The following ANKIB1 variants were observed in gnomAD, a reference collection of about 807,000 sequenced individuals.
The protein encoded by ANKIB1 is ankyrin repeat and IBR domain containing 1, also known as ankyrin repeat and IBR domain-containing protein 1.
In ANKIB1, 43 loss-of-function variants were observed where a neutral mutation model predicts 122.1. The ratio of observed to expected loss-of-function variants is 0.35; its 90% CI spans 0.28 to 0.45. ANKIB1 has a LOEUF of 0.45. ANKIB1 is among the 20% of genes least tolerant of loss of function. ANKIB1 has a pLI of 1.00. For synonymous variants in ANKIB1, 390 were observed against 442.0 expected, an observed-to-expected ratio of 0.88 and a Z score of 1.48; for missense variants, 992 against 1,329.5, an observed-to-expected ratio of 0.75 and a Z score of 3.95.
intron 11 of ANKIB1, among the ~76,000 whole-genome samples, chr7:92,377,165 A>G (rs1342378725): frequency 6.6e-6 from 1 of 152,176 alleles, no homozygotes; most frequent in African/African-American, 2.4e-5. Flanking sequence ...GGAGAGATGT[A>G]AGGCTCTTCC....
At chr7:92,249,130 C>T (rs895841260) in intron 1 of ANKIB1, among the ~76,000 whole-genome samples, 2 of 152,136 alleles carry the variant, frequency 1.3e-5, no homozygotes, top group Admixed American at 6.5e-5. Context: ...TCAGGTGATC[C>T]GCCTGCCTTG....
Position 92,319,431 on chromosome 7 carries a change from T to C in ANKIB1, c.588T>C (p.Asn196=), listed in dbSNP as rs756499842. Reference sequence around the variant, plus strand: ...AACACCACAAAGATTTGGCCCTCAATCTGGAATCTCAAATGGTATTCTCAC... The same window carrying C: ...AACACCACAAAGATTTGGCCCTCAACCTGGAATCTCAAATGGTATTCTCAC... ...EKQHHKDLAL[N]LESQMVFSRD... Residue 196 remains asparagine, a synonymous_variant, in exon 4 of 20, where the codon AAT becomes AAC. Transcript: ENST00000265742. 1 of 1,613,562 alleles carries C rather than the reference T, an allele frequency of 6.2e-7. No individual in the cohort carries two copies. Among genetic ancestry groups the C allele is most frequent in the East Asian group, 2.2e-5 (1 of 44,838 alleles).
intron 18 of ANKIB1, among the ~76,000 whole-genome samples, chr7:92,396,830 T>A (rs951146800): frequency 6.6e-6 from 1 of 152,206 alleles, no homozygotes; most frequent in Admixed American, 6.5e-5. Flanking sequence ...CTTAAGCACC[T>A]AGTGAAGCAC....
At chr7:92,375,416 A>G (rs1031956428) in intron 11 of ANKIB1, among the ~76,000 whole-genome samples, 6 of 152,196 alleles carry the variant, frequency 3.9e-5, no homozygotes, top group South Asian at 2.1e-4. Flanking sequence ...TTTATGTAAT[A>G]TTCTAGTCTT....
At chr7:92,291,871 G>A (rs575939824) in intron 1 of ANKIB1, among the ~76,000 whole-genome samples, 27 of 152,048 alleles carry the variant, frequency 1.8e-4, no homozygotes, top group African/African-American at 4.3e-4. Flanking sequence ...TACCACACCC[G>A]GCCCAGGGTA....
intron 4 of ANKIB1, among the ~76,000 whole-genome samples, chr7:92,320,500 G>C (rs867957509): frequency 2.6e-5 from 4 of 152,092 alleles, no homozygotes; most frequent in Non-Finnish European, 4.4e-5. Flanking sequence ...TTTCCTTTAT[G>C]TCTTCCCGGT....
intron 3 of ANKIB1, 27 bp from the exon 4 acceptor site, chr7:92,319,303 C>T (rs922447252): frequency 6.8e-6 from 10 of 1,478,612 alleles, no homozygotes; most frequent in Non-Finnish European, 9.1e-6. Flanking sequence ...CCTGTAGTTG[C>T]AAGTTTTTGA....
chr7:92,315,311 A>C (rs1450888422), intron 3 of ANKIB1, among the ~76,000 whole-genome samples: 3 of 152,188 alleles, frequency 2.0e-5, no homozygotes, highest in Non-Finnish European at 4.4e-5. Flanking sequence ...TAGCTTATCC[A>C]CATGAAATGG....
rs1381111823 is a variant in ANKIB1, at chr7:92,386,599, G to A, written c.1708G>A (p.Val570Ile). 2 of 1,605,576 alleles carry A rather than the reference G, an allele frequency of 1.2e-6. No individual in the cohort carries two copies. Among genetic ancestry groups the A allele is most frequent in the South Asian group, 2.2e-5 (2 of 89,106 alleles). The change falls in exon 12 of 20, where the codon GTC becomes ATC. Residue 570 changes from valine to isoleucine, a missense_variant. Transcript: ENST00000265742. ...GGYYRCTRYE[V>I]IQHVEEQSKE... is the part of the protein sequence containing the mutation. ...TTATTACAGATGTACTCGCTATGAA[G>A]TCATTCAACACGTGGAGGAGCAATC...
intron 4 of ANKIB1, among the ~76,000 whole-genome samples, chr7:92,321,275 A>G (rs1802905448): frequency 6.6e-6 from 1 of 152,132 alleles, no homozygotes; most frequent in African/African-American, 2.4e-5. Context: ...GACATTTGAA[A>G]TGTACTCTTA....
intron 11 of ANKIB1, among the ~76,000 whole-genome samples, chr7:92,385,030 A>G (rs1342316993): frequency 6.6e-6 from 1 of 152,206 alleles, no homozygotes. Context: ...AACTTAAACC[A>G]ATTTACAAGA....
At chr7:92,370,072 A>G (rs569147203) in intron 10 of ANKIB1, among the ~76,000 whole-genome samples, 1 of 152,334 alleles carries the variant, frequency 6.6e-6, no homozygotes, top group South Asian at 2.1e-4. Flanking sequence ...CCATATCATA[A>G]TAGGCTTTAT....
chr7:92,324,795 C>T (rs942725684), intron 4 of ANKIB1, among the ~76,000 whole-genome samples: 2 of 152,172 alleles, frequency 1.3e-5, no homozygotes, highest in Non-Finnish European at 2.9e-5. Context: ...TCTTTTCCTT[C>T]AAATAATTAA....
chr7:92,391,127 T>A, intron 15 of ANKIB1, 39 bp from the exon 16 acceptor site: 1 of 1,549,706 alleles, frequency 6.5e-7, no homozygotes, highest in Non-Finnish European at 8.8e-7. Context: ...GATTAACCTA[T>A]GAAGCCTGTG....
In ANKIB1 at chr7:92,291,567, C is replaced by CTTT. The variant is rs1188174295; in HGVS notation, c.-90-3303_-90-3301dup. ...ATCAACAGGCTACATTTTTCTTTTT[C>CTTT]TTTTTTTTTTTTTTTTTTTTTGAGA... On this transcript the variant is annotated intron_variant, in intron 1 of 19. Coordinates refer to ENST00000265742, the MANE Select transcript of ANKIB1 (RefSeq NM_019004.2). Among the ~76,000 whole-genome samples the CTTT allele has an allele frequency of 6.3e-3, 728 of 116,468 alleles. 9 individuals carry two copies. Among genetic ancestry groups the CTTT allele is most frequent in the Non-Finnish European group, 8.8e-3 (486 of 55,184 alleles). 76.4% of individuals were successfully genotyped at this position (116,468 alleles called of 152,430 possible).
chr7:92,344,881 G>A (rs1803508580), intron 6 of ANKIB1, 97 bp from the exon 7 acceptor site: 1 of 954,570 alleles, frequency 1.0e-6, no homozygotes, highest in Non-Finnish European at 1.6e-6. Context: ...TTTAATTACT[G>A]TACTAGTATT....
rs200256244 is a variant in ANKIB1 at position 92,304,858 on chromosome 7, T to TA, written c.189-2493dup. Among the ~76,000 whole-genome samples, 746 of 152,106 alleles carry TA rather than the reference T, an allele frequency of 4.9e-3. 6 individuals are homozygous for TA. The highest frequency in any genetic ancestry group is 0.017 in the African/African-American group (697 of 41,504). ...ACTATTAAGCAACATTATGGCTGTA[T>TA]AAAAAAAATTACCCATATTCTTGCC... is the stretch of plus-strand genomic sequence containing the variant. On this transcript the variant is annotated intron_variant, in intron 2 of 19. Transcript: ENST00000265742.
At chr7:92,368,975 A>G (rs967271273) in intron 10 of ANKIB1, among the ~76,000 whole-genome samples, 34 of 152,222 alleles carry the variant, frequency 2.2e-4, no homozygotes, top group Non-Finnish European at 4.4e-5. Flanking sequence ...TTTATTTATT[A>G]TAACAATGGA....
At chr7:92,299,927 C>T (rs996206331) in intron 2 of ANKIB1, among the ~76,000 whole-genome samples, 1 of 152,128 alleles carries the variant, frequency 6.6e-6, no homozygotes, top group Non-Finnish European at 1.5e-5. Context: ...GCCTCAGCCT[C>T]CCAAGTAGCT....
Sources: allele counts gnomAD v4.1 joint callset (sites outside exome capture counted in the v4.1 genomes callset), GRCh38; gene constraint gnomAD v4.1.1; transcripts MANE v1.5; gene names NCBI Gene and HGNC (gene_info 2026-07-23, HGNC 2026-07-21).